TGM1: variants seen among roughly 807,000 people sequenced by gnomAD.
TGM1 encodes transglutaminase 1.
Under a neutral mutation model 88.7 loss-of-function variants are expected in TGM1, and 63 were observed. The observed-to-expected ratio is 0.71, with a 90% confidence interval of 0.58 to 0.88. The LOEUF (loss-of-function observed/expected upper bound fraction) is 0.88. TGM1 is among the 40% of genes least tolerant of loss of function. The probability of loss-of-function intolerance (pLI) is 0.00; values close to 1 mark genes in which losing one functional copy is unlikely to be tolerated. For missense variants in TGM1, 996 were observed against 1,118.0 expected, an observed-to-expected ratio of 0.89 and a Z score of 1.56; for synonymous variants, 415 against 431.1, an observed-to-expected ratio of 0.96 and a Z score of 0.46.
chr14:24,259,138 G>A lies in TGM1; in HGVS notation c.1096C>T (p.Leu366=). ...VGSVEILLSY[L]RTGYSVPYGQ... is the part of the protein sequence containing the mutation. ...TAGGGGACGGAATATCCCGTGCGTA[G>A]GTAGCTAAGCAGGATCTCCACGCTG... Residue 366 remains leucine, a synonymous_variant, in exon 7 of 15, where the codon CTA becomes TTA. Coordinates refer to ENST00000206765, the MANE Select transcript of TGM1 (RefSeq NM_000359.3). The surrounding 1 kb of genome is among the most constrained non-coding windows in gnomAD (Gnocchi z 5.7). 1 of 1,614,180 alleles carries A rather than the reference G, an allele frequency of 6.2e-7. No homozygotes were observed. The highest frequency in any genetic ancestry group is 8.5e-7 in the Non-Finnish European group (1 of 1,180,020).
Position 24,261,707 on chromosome 14 carries a change from C to T in TGM1, c.496G>A (p.Glu166Lys). The change falls in exon 3 of 15, where the codon GAG (glutamate) becomes AAG (lysine). Residue 166 changes from glutamate (E) to lysine (K), a missense_variant. Coordinates refer to ENST00000206765, the MANE Select transcript of TGM1 (RefSeq NM_000359.3). ...TYESSDRITL[E>K]LLIGNNPEVG... The stretch of plus-strand genomic sequence containing the variant: ...AAGCCCCACTGACCGATGAGTAACT[C>T]AAGGGTGATGCGATCAGAGGATTCA... The T allele has an allele frequency of 6.2e-7, 1 of 1,614,138 alleles. No individual in the cohort carries two copies. The highest frequency in any genetic ancestry group is 1.1e-5 in the South Asian group (1 of 91,082).
Position 24,255,909 on chromosome 14 carries a change from A to G in TGM1, c.1491+80T>C. 1 of 1,207,616 alleles carries G rather than the reference A, an allele frequency of 8.3e-7. No homozygotes were observed. The highest frequency in any genetic ancestry group is 2.0e-5 in the Admixed American group (1 of 50,566). 74.8% of individuals were successfully genotyped at this position (1,207,616 alleles called of 1,614,324 possible). On this transcript the variant is annotated intron_variant, in intron 10 of 14. Transcript: ENST00000206765. The surrounding 1 kb of genome is among the most constrained non-coding windows in gnomAD (Gnocchi z 4.0). ...ATGAGTGACTTGCCCCGGGTCGCAG[A>G]GCTGGTCAGTCAGCGGTGAAGTTGG...
Position 24,251,308 on chromosome 14 carries a change from C to A in TGM1, c.2226-1767G>T, listed in dbSNP as rs374020376. 3.6e-4 allele frequency among the ~76,000 whole-genome samples: 55 copies of A among 152,294 alleles called. 1 individual carries two copies. In the South Asian group the frequency reaches 0.011, roughly 29 times the overall value. On this transcript the variant is annotated intron_variant, in intron 14 of 14. Transcript: ENST00000206765. ...AATTTTTGCTAACTTTTCATAGATA[C>A]AAGATTCAAGGTTGTTCAAGCTCAG...
At chr14:24,253,474 G>A (rs2040717682) in intron 14 of TGM1, among the ~76,000 whole-genome samples, 1 of 151,930 alleles carries the variant, frequency 6.6e-6, no homozygotes, top group African/African-American at 2.4e-5. Context: ...CTGTGTGTGT[G>A]TGTGACAGAG....
intron 9 of TGM1, among the ~76,000 whole-genome samples, chr14:24,256,940 T>C (rs1465436050): frequency 2.0e-5 from 3 of 152,222 alleles, no homozygotes; most frequent in Non-Finnish European, 4.4e-5. Context: ...ATATGGTATC[T>C]ATTACCCCAA....
Position 24,259,219 on chromosome 14 carries a change from T to C in TGM1, c.1015A>G (p.Ile339Val). ...GAGTAATCACCAGACCAGTTCCCAA[T>C]CAGGACTCCATTGTCATCCAGGGAG... is the stretch of plus-strand genomic sequence containing the variant. Reference protein sequence around the residue: ...VNSLDDNGVLIGNWSGDYSRG... With the variant: ...VNSLDDNGVLVGNWSGDYSRG... Residue 339 changes from isoleucine to valine, a missense_variant, in exon 7 of 15, where the codon ATT becomes GTT. Coordinates refer to ENST00000206765, the MANE Select transcript of TGM1 (RefSeq NM_000359.3). This position sits in a 1 kb window ranked among gnomAD's most constrained non-coding sequence, Gnocchi z 5.7. 2 of 1,613,784 alleles carry C rather than the reference T, an allele frequency of 1.2e-6. No individual in the cohort carries two copies. Among genetic ancestry groups the C allele is most frequent in the Non-Finnish European group, 1.7e-6 (2 of 1,179,862 alleles).
intron 4 of TGM1, 83 bp downstream of exon 4, chr14:24,260,367 G>T: frequency 6.3e-7 from 1 of 1,584,976 alleles, no homozygotes. Context: ...AGGCACCTAG[G>T]CACCCCGCCA....
chr14:24,258,241 G>A (rs751398807), intron 9 of TGM1, 44 bp downstream of exon 9: 1 of 1,500,880 alleles, frequency 6.7e-7, no homozygotes. Context: ...ATCAGGTGGG[G>A]GAGATAAGCA....
At chr14:24,256,836 A>G (rs1443670623) in intron 9 of TGM1, among the ~76,000 whole-genome samples, 1 of 152,206 alleles carries the variant, frequency 6.6e-6, no homozygotes, top group African/African-American at 2.4e-5. Flanking sequence ...GGAGAATGAA[A>G]GGAGCTCAGA....
intron 14 of TGM1, among the ~76,000 whole-genome samples, chr14:24,253,168 G>A (rs142267393): frequency 6.6e-6 from 1 of 152,348 alleles, no homozygotes; most frequent in East Asian, 1.9e-4. Flanking sequence ...CCTACGAGCT[G>A]TGAGACCATA....
At chr14:24,261,188 G>A (rs1410376050) in intron 3 of TGM1, among the ~76,000 whole-genome samples, 1 of 152,198 alleles carries the variant, frequency 6.6e-6, no homozygotes, top group Non-Finnish European at 1.5e-5. Flanking sequence ...AGGGTAAAAG[G>A]AGTCACCTGC....
rs1409011965 is a variant in TGM1, at chr14:24,260,790, A to G, written c.509-92T>C. On this transcript the variant is annotated intron_variant, in intron 3 of 14. Coordinates refer to ENST00000206765, the MANE Select transcript of TGM1 (RefSeq NM_000359.3). ...TCTCCCGGCCCCACCCACAATGTGT[A>G]TGAGCCACTGTGTATGTCCCTACGT... 2.2e-5 allele frequency: 34 copies of G among 1,553,254 alleles called. No individual in the cohort carries two copies. The Admixed American group carries it at 4.1e-4, about 19-fold the overall frequency.
At position 24,262,143 on chromosome 14, in the gene TGM1, A is replaced by T; in HGVS notation, c.210T>A (p.Gly70=). Reference sequence around the variant, plus strand: ...TTCGAGTGCCAGAGCTGGACCCTCGACCCCTGGAGTCAGAGGGTTCAGGTC... The same window carrying T: ...TTCGAGTGCCAGAGCTGGACCCTCGTCCCCTGGAGTCAGAGGGTTCAGGTC... The part of the protein sequence containing the change: ...DWGPEPSDSR[G]RGSSSGTRRP... The change falls in exon 2 of 15, where the codon GGT becomes GGA. Residue 70 remains glycine (G), a synonymous_variant. Transcript: ENST00000206765. 6.2e-7 allele frequency: 1 copy of T among 1,613,268 alleles called. No individual in the cohort carries two copies. The highest frequency in any genetic ancestry group is 2.2e-5 in the East Asian group (1 of 44,846).
rs746008257 is a variant in TGM1, at chr14:24,261,744, CAGG to C, written c.456_458del (p.Leu153del). ...GATCAGAGGATTCATAGGTCCGGGA[CAGG>C]AGGAGGAGCATATGGAAAGGCTGCC... On this transcript the variant is annotated inframe_deletion, in exon 3 of 15. Transcript: ENST00000206765. The C allele has an allele frequency of 3.7e-6, 6 of 1,613,958 alleles. No homozygotes were observed. The East Asian group carries it at 6.7e-5, about 18-fold the overall frequency.
In TGM1 at chr14:24,255,612, G is replaced by T; in HGVS notation, c.1492-95C>A. On this transcript the variant is annotated intron_variant, in intron 10 of 14. Transcript: ENST00000206765. This position sits in a 1 kb window ranked among gnomAD's most constrained non-coding sequence, Gnocchi z 4.0. ...CTTCCCCTGATCCCAGGAGCTATGG[G>T]ACAGGGCTTGGTCCCAAGGGTGGGA... is the stretch of plus-strand genomic sequence containing the variant. The T allele has an allele frequency of 6.5e-7, 1 of 1,541,346 alleles. No homozygotes were observed.
chr14:24,251,166 C>G (rs2040698048), intron 14 of TGM1, among the ~76,000 whole-genome samples: 2 of 152,102 alleles, frequency 1.3e-5, no homozygotes, highest in South Asian at 4.1e-4. Flanking sequence ...TTTCTGAGCT[C>G]TCTGAAGGAG....
rs760758542 is a variant in TGM1 at position 24,260,076 on chromosome 14, A to G, written c.758-18T>C. ...AATGTCCTCTGTGTCCCCAGAACAC[A>G]CAAAACTGGTTCCCTCCAGTTCTCT... On this transcript the variant is annotated intron_variant, in intron 4 of 14. Transcript: ENST00000206765. The G allele has an allele frequency of 6.2e-7, 1 of 1,608,478 alleles. No individual in the cohort carries two copies. The highest frequency in any genetic ancestry group is 8.5e-7 in the Non-Finnish European group (1 of 1,174,854).
chr14:24,257,909 A>C (rs2139022727), intron 9 of TGM1, among the ~76,000 whole-genome samples: 1 of 152,356 alleles, frequency 6.6e-6, no homozygotes, highest in East Asian at 1.9e-4. Flanking sequence ...TATTACTTAT[A>C]AAAATGACTT....
rs151333205 is a variant in TGM1 at position 24,262,257 on chromosome 14, G to C, written c.96C>G (p.Asp32Glu). 5 of 1,613,656 alleles carry C rather than the reference G, an allele frequency of 3.1e-6. No homozygotes were observed. In the African/African-American group the frequency reaches 5.3e-5, roughly 17 times the overall value. The change falls in exon 2 of 15, where the codon GAC (aspartate) becomes GAG (glutamate). Residue 32 changes from aspartate to glutamate, a missense_variant. Physicochemically the swap from Asp to Glu is conservative, Grantham distance 45. Coordinates refer to ENST00000206765, the MANE Select transcript of TGM1 (RefSeq NM_000359.3). ...GGCCTCCTCCTCTGCGAGAGCGTCCGTCTGGCTCTGGCTCTGGCTCTGGAG... is the reference window on the plus strand; with the variant it reads ...GGCCTCCTCCTCTGCGAGAGCGTCCCTCTGGCTCTGGCTCTGGCTCTGGAG... ...TPSPEPEPEP[D>E]GRSRRGGGRS...
Sources: allele counts gnomAD v4.1 joint callset (sites outside exome capture counted in the v4.1 genomes callset), GRCh38; gene constraint gnomAD v4.1.1; non-coding constraint Gnocchi (gnomAD v3.1); transcripts MANE v1.5; gene names NCBI Gene and HGNC (gene_info 2026-07-23, HGNC 2026-07-21).